Variants in AGK observed in about 807,000 individuals in gnomAD.
AGK encodes acylglycerol kinase, mitochondrial.
A neutral mutation model predicts 66.4 loss-of-function variants in AGK; 52 were observed. The observed-to-expected ratio is 0.78, with a 90% CI of 0.63 to 0.99. The LOEUF is 0.99. Among genes scored for constraint, AGK ranks in the 50% least tolerant of loss-of-function variants. The probability of loss-of-function intolerance (pLI) is 0.00; values close to 1 mark genes in which losing one functional copy is unlikely to be tolerated. For missense variants in AGK, 451 were observed against 506.6 expected, an observed-to-expected ratio of 0.89 and a Z score of 1.05; for synonymous variants, 182 against 181.1, an observed-to-expected ratio of 1.00 and a Z score of -0.04.
intron 2 of AGK, among the ~76,000 whole-genome samples, chr7:141,582,693 T>G (rs1054449484): frequency 6.6e-6 from 1 of 151,964 alleles, no homozygotes; most frequent in African/African-American, 2.4e-5. Flanking sequence ...AGCATTAACC[T>G]TGATTATGCC....
In AGK at chr7:141,654,585, A is replaced by ATTT. The variant is rs1797645088; in HGVS notation, c.*1663_*1664insTTT. The ATTT allele has an allele frequency of 6.6e-6, 1 of 152,232 alleles. No individual in the cohort carries two copies. The allele number at this position is 152,232 out of a possible 1,614,324, so 9.4% of individuals were successfully genotyped here. ...TTTACCATGGCTTTGCCAGCCAGTC[A>ATTT]TTAGCACCATTTACTTTTACTATCG... On this transcript the variant is annotated 3_prime_UTR_variant, in exon 16 of 16. Transcript: ENST00000649286.
intron 2 of AGK, among the ~76,000 whole-genome samples, chr7:141,586,256 A>C (rs1243939081): frequency 6.6e-6 from 1 of 152,036 alleles, no homozygotes; most frequent in Non-Finnish European, 1.5e-5. Context: ...GTGCGTTTGG[A>C]ATTTTTTAGT....
At chr7:141,639,536 T>C (rs942746151) in intron 11 of AGK, among the ~76,000 whole-genome samples, 2 of 152,112 alleles carry the variant, frequency 1.3e-5, no homozygotes, top group Admixed American at 6.5e-5. Context: ...CCTTTTTTCA[T>C]TGATACAGAA....
chr7:141,601,097 C>T (rs1351999025), intron 4 of AGK, 108 bp from the exon 5 acceptor site: 21 of 697,744 alleles, frequency 3.0e-5, no homozygotes, highest in East Asian at 1.1e-4. Context: ...AAAGGAAACC[C>T]GTATTGCATA....
chr7:141,605,332 C>G (rs1372274561), intron 5 of AGK, among the ~76,000 whole-genome samples: 1 of 152,110 alleles, frequency 6.6e-6, no homozygotes, highest in Non-Finnish European at 1.5e-5. Flanking sequence ...CTAAACTGCA[C>G]ATGCAGTCTT....
intron 1 of AGK, among the ~76,000 whole-genome samples, chr7:141,552,641 G>A (rs564694952): frequency 1.3e-5 from 2 of 152,156 alleles, no homozygotes; most frequent in Non-Finnish European, 2.9e-5. Flanking sequence ...AATATGACTC[G>A]TTGGCATTAG....
chr7:141,652,619 C>G (rs541516365), intron 15 of AGK, 168 bp from the exon 16 acceptor site: 4 of 581,684 alleles, frequency 6.9e-6, no homozygotes, highest in Non-Finnish European at 1.2e-5. Flanking sequence ...CAGCACTGTG[C>G]CCATCGTAGT....
At chr7:141,572,039 T>G (rs963875012) in intron 2 of AGK, among the ~76,000 whole-genome samples, 2 of 152,212 alleles carry the variant, frequency 1.3e-5, no homozygotes, top group East Asian at 3.8e-4. Context: ...TCACTCCATA[T>G]TTTTGGAGAG....
At chr7:141,614,029 A>G (rs1376766884) in intron 6 of AGK, 117 bp from the exon 7 acceptor site, 5 of 702,774 alleles carry the variant, frequency 7.1e-6, no homozygotes, top group Non-Finnish European at 1.2e-5. Flanking sequence ...ATCTTTTAAC[A>G]GAGCTTCTAA....
At chr7:141,629,783 C>G (rs997248068) in intron 9 of AGK, among the ~76,000 whole-genome samples, 2 of 151,872 alleles carry the variant, frequency 1.3e-5, no homozygotes, top group Non-Finnish European at 2.9e-5. Context: ...AAAAACTCTT[C>G]CCCCCGAGAT....
chr7:141,645,242 T>C (rs1243001387), intron 13 of AGK, among the ~76,000 whole-genome samples: 1 of 152,114 alleles, frequency 6.6e-6, no homozygotes, highest in Non-Finnish European at 1.5e-5. Flanking sequence ...AGTTTTATAG[T>C]TTTCTCTGGA....
At chr7:141,589,426 C>T (rs553037973) in intron 2 of AGK, among the ~76,000 whole-genome samples, 4 of 152,114 alleles carry the variant, frequency 2.6e-5, no homozygotes, top group Non-Finnish European at 5.9e-5. Context: ...TCAGAGCTTG[C>T]TATAGATCAT....
intron 2 of AGK, among the ~76,000 whole-genome samples, chr7:141,587,492 C>T (rs1204471953): frequency 6.6e-6 from 1 of 152,182 alleles, no homozygotes; most frequent in Non-Finnish European, 1.5e-5. Context: ...CCTTGGTGAC[C>T]TGGCCTTTAC....
At chr7:141,576,278 G>A (rs78280283) in intron 2 of AGK, among the ~76,000 whole-genome samples, 1 of 152,188 alleles carries the variant, frequency 6.6e-6, no homozygotes, top group African/African-American at 2.4e-5. Context: ...TGGAGCAATG[G>A]TGAGAGCACA....
intron 1 of AGK, among the ~76,000 whole-genome samples, chr7:141,553,291 G>T (rs1459054605): frequency 6.6e-6 from 1 of 152,072 alleles, no homozygotes; most frequent in Non-Finnish European, 1.5e-5. Context: ...ATCTCAATGG[G>T]GATAGGGCTT....
chr7:141,650,186 T>A (rs1255731160), intron 14 of AGK, among the ~76,000 whole-genome samples: 1 of 152,242 alleles, frequency 6.6e-6, no homozygotes, highest in Admixed American at 6.5e-5. Flanking sequence ...AGTTTGTTGT[T>A]CTTGCCTTTG....
rs901587327 is a variant in AGK, at chr7:141,563,056, C to T, written c.101+7489C>T. 3.9e-5 allele frequency among the ~76,000 whole-genome samples: 6 copies of T among 152,212 alleles called. No homozygotes were observed. The East Asian group carries it at 9.6e-4, about 24-fold the overall frequency. Reference sequence around the variant, plus strand: ...TTCAGAGGTGGGTTTTCCCCCCTCACACTTTGGGGAATCACGGTTTTTCGT... The same window carrying T: ...TTCAGAGGTGGGTTTTCCCCCCTCATACTTTGGGGAATCACGGTTTTTCGT... On this transcript the variant is annotated intron_variant, in intron 2 of 15. Transcript: ENST00000649286.
chr7:141,580,243 C>T (rs549626696), intron 2 of AGK, among the ~76,000 whole-genome samples: 41 of 151,946 alleles, frequency 2.7e-4, no homozygotes, highest in Middle Eastern at 6.8e-3. Flanking sequence ...GCAATGAGTT[C>T]GGCTTGCTGA....
chr7:141,554,036 C>T (rs1267119201), intron 1 of AGK, among the ~76,000 whole-genome samples: 1 of 152,104 alleles, frequency 6.6e-6, no homozygotes, highest in Non-Finnish European at 1.5e-5. Context: ...CTAGAGGGAT[C>T]TACTTTAAAA....
Sources: gnomAD v4.1 joint callset for allele counts (sites outside exome capture counted in the v4.1 genomes callset) on GRCh38, gnomAD v4.1.1 for gene constraint, MANE v1.5 for transcripts, NCBI Gene and HGNC (gene_info 2026-07-23, HGNC 2026-07-21) for gene names.